DPP4: variants seen among roughly 807,000 people sequenced by gnomAD.
DPP4 encodes dipeptidyl peptidase 4.
A neutral mutation model predicts 122.4 loss-of-function variants in DPP4; 93 were observed. The ratio of observed to expected loss-of-function variants is 0.76; its 90% CI spans 0.64 to 0.90. The LOEUF (loss-of-function observed/expected upper bound fraction) is 0.90. Among genes scored for constraint, DPP4 ranks in the 40% least tolerant of loss-of-function variants. The pLI is 0.00. For synonymous variants in DPP4, 321 were observed against 302.9 expected (o/e 1.06, Z -0.62); for missense variants, 914 against 907.3 (o/e 1.01, Z -0.09).
intron 11 of DPP4, among the ~76,000 whole-genome samples, chr2:162,024,273 C>T (rs961078017): frequency 2.0e-5 from 3 of 152,230 alleles, no homozygotes; most frequent in Non-Finnish European, 4.4e-5. Context: ...CCCAGCACCT[C>T]AAGGTTGGAT....
intron 10 of DPP4, 128 bp from the exon 11 acceptor site, chr2:162,025,067 G>T: frequency 9.9e-7 from 1 of 1,014,046 alleles, no homozygotes; most frequent in Non-Finnish European, 1.4e-6. Flanking sequence ...ATTATAAATG[G>T]TTAATGAAAC....
At chr2:162,007,448 TA>T (rs984914575) in intron 22 of DPP4, among the ~76,000 whole-genome samples, 19 of 152,188 alleles carry the variant, frequency 1.2e-4, no homozygotes, top group Admixed American at 7.8e-4. Flanking sequence ...TGTAAACTTT[TA>T]AAAAAATATG....
intron 2 of DPP4, among the ~76,000 whole-genome samples, chr2:162,051,153 A>C (rs1238851756): frequency 6.6e-6 from 1 of 152,224 alleles, no homozygotes; most frequent in African/African-American, 2.4e-5. Flanking sequence ...CATTTTTATT[A>C]GTTAAAAAAG....
intron 5 of DPP4, 90 bp downstream of exon 5, chr2:162,045,442 A>C (rs1576061908): frequency 1.1e-6 from 1 of 904,382 alleles, no homozygotes; most frequent in African/African-American, 1.7e-5. Context: ...CTTAGATATT[A>C]ATCTTAAGTA....
rs1194199284 is a variant in DPP4 at position 162,022,740 on chromosome 2, A to G, written c.1068+15T>C. 8.7e-6 allele frequency: 14 copies of G among 1,613,982 alleles called. No individual in the cohort carries two copies. The highest frequency in any genetic ancestry group is 9.3e-6 in the Non-Finnish European group (11 of 1,179,926). ...GCTGACTCATCCATAAAACCCCACA[A>G]CTTATAACACTTACTCTTCCAACCC... On this transcript the variant is annotated intron_variant, in intron 12 of 25. Coordinates refer to ENST00000360534, the MANE Select transcript of DPP4 (RefSeq NM_001935.4).
At chr2:162,070,347 C>A (rs55702526) in intron 2 of DPP4, among the ~76,000 whole-genome samples, 19 of 152,044 alleles carry the variant, frequency 1.2e-4, no homozygotes, top group East Asian at 5.8e-4. Flanking sequence ...CACTAGCCCC[C>A]GTCCTGTTCT....
chr2:162,058,810 A>G (rs868170045), intron 2 of DPP4, among the ~76,000 whole-genome samples: 1 of 152,142 alleles, frequency 6.6e-6, no homozygotes, highest in Non-Finnish European at 1.5e-5. Flanking sequence ...TTCCCATAAA[A>G]CTTTCCTTTT....
chr2:162,038,931 C>G lies in DPP4; in HGVS notation c.492+18G>C. On this transcript the variant is annotated intron_variant, in intron 7 of 25. Coordinates refer to ENST00000360534, the MANE Select transcript of DPP4 (RefSeq NM_001935.4). The stretch of plus-strand genomic sequence containing the variant: ...ATTTGAGCCTATATTTTTCTGACAA[C>G]TGGAGAGACTCACTAACCAATTTAT... 2 of 1,612,020 alleles carry G rather than the reference C, an allele frequency of 1.2e-6. No individual in the cohort carries two copies. Among genetic ancestry groups the G allele is most frequent in the East Asian group, 2.2e-5 (1 of 44,846 alleles).
At chr2:162,015,343 T>G (rs555543911) in intron 18 of DPP4, among the ~76,000 whole-genome samples, 1 of 152,200 alleles carries the variant, frequency 6.6e-6, no homozygotes, top group Non-Finnish European at 1.5e-5. Flanking sequence ...TATAGATAGA[T>G]TTATCTTCAA....
Position 162,073,536 on chromosome 2 carries a change from G to C in DPP4, c.7-50C>G, listed in dbSNP as rs150775610. ...AATTAGAGGGAAGCGTGTGGCCCCA[G>C]TTTCCGTAGGAGGGTCGGGGCTGCT... On this transcript the variant is annotated intron_variant, in intron 1 of 25. Coordinates refer to ENST00000360534, the MANE Select transcript of DPP4 (RefSeq NM_001935.4). The C allele has an allele frequency of 3.3e-4, 525 of 1,581,500 alleles. 1 individual carries two copies. The highest frequency in any genetic ancestry group is 4.3e-4 in the Non-Finnish European group (500 of 1,151,984).
chr2:162,046,572 A>C (rs1684179626), intron 4 of DPP4: 1 of 388,918 alleles, frequency 2.6e-6, no homozygotes, highest in Admixed American at 3.3e-5. Context: ...GTTAGCGTTA[A>C]GTGTGTGTAT....
chr2:162,055,569 C>T lies in DPP4; in HGVS notation c.95-8068G>A, dbSNP rs975361404. Among the ~76,000 whole-genome samples, 7 of 152,042 alleles carry T rather than the reference C, an allele frequency of 4.6e-5. No homozygotes were observed. The South Asian group carries it at 8.3e-4, about 18-fold the overall frequency. ...AAAAAAGTCATCCTGGCATGGTGTA[C>T]CTGTAAACCCAGCTACGCAGGAAGC... On this transcript the variant is annotated intron_variant, in intron 2 of 25. Coordinates refer to ENST00000360534, the MANE Select transcript of DPP4 (RefSeq NM_001935.4).
chr2:161,992,973 G>A lies in DPP4; in HGVS notation c.*310C>T. On this transcript the variant is annotated 3_prime_UTR_variant, in exon 26 of 26. Coordinates refer to ENST00000360534, the MANE Select transcript of DPP4 (RefSeq NM_001935.4). ...CCAGTTAGAAAAAGATTAAAATCCTGCTCAGGGAATCTATGCAAAGCCTCC... is the reference window on the plus strand; with the variant it reads ...CCAGTTAGAAAAAGATTAAAATCCTACTCAGGGAATCTATGCAAAGCCTCC... The A allele has an allele frequency of 3.6e-6, 1 of 278,908 alleles. No individual in the cohort carries two copies. The highest frequency in any genetic ancestry group is 7.8e-5 in the East Asian group (1 of 12,756). 17.3% of individuals were successfully genotyped at this position (278,908 alleles called of 1,614,324 possible).
chr2:162,008,412 A>T, intron 22 of DPP4, 150 bp downstream of exon 22: 1 of 622,782 alleles, frequency 1.6e-6, no homozygotes, highest in Non-Finnish European at 2.8e-6. Flanking sequence ...AAATGAGATC[A>T]TCTTATTATA....
At chr2:162,060,133 G>A (rs968599057) in intron 2 of DPP4, among the ~76,000 whole-genome samples, 2 of 152,164 alleles carry the variant, frequency 1.3e-5, no homozygotes, top group African/African-American at 4.8e-5. Context: ...TAAATCTTTG[G>A]AACAGTGATT....
chr2:162,020,310 T>A lies in DPP4; in HGVS notation c.1177-14A>T. On this transcript the variant is annotated splice_polypyrimidine_tract_variant and intron_variant, in intron 13 of 25. Transcript: ENST00000360534. The stretch of plus-strand genomic sequence containing the variant: ...AAATGTGCAGTCCTGATGGTTTTTT[T>A]TTTTTTTCAAAAAAAAAAAAAAGAT... 1 of 1,540,038 alleles carries A rather than the reference T, an allele frequency of 6.5e-7. No homozygotes were observed. Among genetic ancestry groups the A allele is most frequent in the Non-Finnish European group, 8.7e-7 (1 of 1,152,380 alleles).
At chr2:161,997,084 A>G (rs1701026007) in intron 23 of DPP4, among the ~76,000 whole-genome samples, 1 of 152,212 alleles carries the variant, frequency 6.6e-6, no homozygotes, top group African/African-American at 2.4e-5. Flanking sequence ...GTTTCAGTCG[A>G]ATGAATGTCC....
chr2:162,059,164 A>G (rs1684674921), intron 2 of DPP4, among the ~76,000 whole-genome samples: 1 of 151,980 alleles, frequency 6.6e-6, no homozygotes, highest in African/African-American at 2.4e-5. Flanking sequence ...CTCTGCTATC[A>G]TGCAGAGTCA....
In DPP4 at chr2:162,074,142, G is replaced by C; in HGVS notation, c.-161C>G. 7.2e-7 allele frequency: 1 copy of C among 1,389,018 alleles called. No individual in the cohort carries two copies. Among genetic ancestry groups the C allele is most frequent in the East Asian group, 2.8e-5 (1 of 35,300 alleles). The allele number at this position is 1,389,018 out of a possible 1,614,324, so 86.0% of individuals were successfully genotyped here. A position where few individuals can be genotyped will look rare whatever the true frequency, so the allele number is the denominator to read the frequency against. On this transcript the variant is annotated 5_prime_UTR_variant, in exon 1 of 26. Transcript: ENST00000360534. ...TTAAACATTAGTGAGCGCCGAGCCC[G>C]CTGGGTATAAAGGCGCCGCGGGCAG...
Sources: gnomAD v4.1 joint callset for allele counts (sites outside exome capture counted in the v4.1 genomes callset) on GRCh38, gnomAD v4.1.1 for gene constraint, MANE v1.5 for transcripts, NCBI Gene and HGNC (gene_info 2026-07-23, HGNC 2026-07-21) for gene names.